The following COL11A1 variants were observed in gnomAD, a reference collection of about 807,000 sequenced individuals.
COL11A1 encodes collagen alpha-1(XI) chain.
A neutral mutation model predicts 265.2 loss-of-function variants in COL11A1; 74 were observed. The ratio of observed to expected loss-of-function variants is 0.28; its 90% CI spans 0.23 to 0.34. The LOEUF is 0.34. Ranked by LOEUF, COL11A1 falls within the 10% of genes least tolerant of loss-of-function variation. The pLI is 1.00. For missense variants in COL11A1, 2,165 were observed against 2,263.6 expected (o/e 0.96, Z 0.88); for synonymous variants, 816 against 727.6 (o/e 1.12, Z -1.96).
chr1:103,055,973 C>T (rs1280307409), intron 4 of COL11A1, among the ~76,000 whole-genome samples: 5 of 152,144 alleles, frequency 3.3e-5, no homozygotes, highest in Non-Finnish European at 7.3e-5. Context: ...AACTAGCTGA[C>T]AATTCTGTAA....
intron 57 of COL11A1, among the ~76,000 whole-genome samples, chr1:102,891,548 A>G (rs1040576082): frequency 5.3e-5 from 8 of 151,912 alleles, no homozygotes; most frequent in Non-Finnish European, 1.0e-4. Context: ...TTTCATACTG[A>G]TGACTTTCGA....
intron 5 of COL11A1, among the ~76,000 whole-genome samples, chr1:103,029,366 A>G (rs1667803294): frequency 6.6e-6 from 1 of 151,982 alleles, no homozygotes; most frequent in South Asian, 2.1e-4. Context: ...ATATAGGTAG[A>G]ACTTCTGAAG....
intron 3 of COL11A1, among the ~76,000 whole-genome samples, chr1:103,075,739 C>A (rs1571222731): frequency 6.6e-6 from 1 of 152,018 alleles, no homozygotes; most frequent in South Asian, 2.1e-4. Context: ...GTGTCTAGGA[C>A]TAGATCCATA....
intron 5 of COL11A1, among the ~76,000 whole-genome samples, chr1:103,029,647 C>A (rs1667823826): frequency 6.6e-6 from 1 of 152,012 alleles, no homozygotes; most frequent in African/African-American, 2.4e-5. Context: ...GATTGTCATG[C>A]AGTTTCTACT....
At chr1:103,019,228 G>C (rs1258605193) in intron 9 of COL11A1, among the ~76,000 whole-genome samples, 9 of 152,082 alleles carry the variant, frequency 5.9e-5, no homozygotes, top group Admixed American at 5.9e-4. Context: ...GCATAAAACA[G>C]AAACTTAGTA....
At chr1:103,086,038 A>C (rs2102341571) in intron 1 of COL11A1, among the ~76,000 whole-genome samples, 1 of 152,244 alleles carries the variant, frequency 6.6e-6, no homozygotes, top group Admixed American at 6.5e-5. Context: ...ATACCCCAAA[A>C]TAAAAACTCT....
At position 102,923,233 on chromosome 1, in the gene COL11A1, C is replaced by T; in HGVS notation, c.3654+103G>A. 3.1e-6 allele frequency: 3 copies of T among 963,552 alleles called. No individual in the cohort carries two copies. The South Asian group carries it at 4.4e-5, about 14-fold the overall frequency. The allele number at this position is 963,552 out of a possible 1,614,324, so 59.7% of individuals were successfully genotyped here. A position where few individuals can be genotyped will look rare whatever the true frequency, so the allele number is the denominator to read the frequency against. On this transcript the variant is annotated intron_variant, in intron 47 of 66. Transcript: ENST00000370096. ...TCATGTCAGTTGCTTATATACACCTCAATAATATATACATAGTAATGAAAG... is the reference window on the plus strand; with the variant it reads ...TCATGTCAGTTGCTTATATACACCTTAATAATATATACATAGTAATGAAAG...
intron 57 of COL11A1, among the ~76,000 whole-genome samples, chr1:102,892,003 G>A (rs745553000): frequency 6.6e-6 from 1 of 152,060 alleles, no homozygotes; most frequent in Non-Finnish European, 1.5e-5. Context: ...GTGAAACTAC[G>A]CAGGCAACAG....
At chr1:102,878,463 G>T (rs544901869) in intron 66 of COL11A1, among the ~76,000 whole-genome samples, 5 of 46,494 alleles carry the variant, frequency 1.1e-4, no homozygotes, top group South Asian at 1.9e-3. Context: ...ATTGATGTTG[G>T]TATTGAATCC....
chr1:102,934,996 AG>A, intron 45 of COL11A1, 63 bp downstream of exon 45: 1 of 1,465,016 alleles, frequency 6.8e-7, no homozygotes, highest in Non-Finnish European at 9.6e-7. Flanking sequence ...GTTATGGGAC[AG>A]TATACAAATT....
chr1:103,076,305 C>T (rs1671968362), intron 3 of COL11A1, among the ~76,000 whole-genome samples: 1 of 152,124 alleles, frequency 6.6e-6, no homozygotes, highest in Non-Finnish European at 1.5e-5. Flanking sequence ...CCATCTCTCA[C>T]AGCTAGACTC....
chr1:103,080,244 C>T (rs1459696187), intron 2 of COL11A1, among the ~76,000 whole-genome samples: 4 of 151,824 alleles, frequency 2.6e-5, no homozygotes, highest in African/African-American at 9.7e-5. Context: ...AAGTGGAAGA[C>T]AGTACAGTAT....
chr1:102,944,174 C>T (rs951422175), intron 42 of COL11A1, among the ~76,000 whole-genome samples: 1 of 152,132 alleles, frequency 6.6e-6, no homozygotes. Flanking sequence ...AACTGCATAA[C>T]ATTTTTATAA....
At position 103,006,072 on chromosome 1, in the gene COL11A1, G is replaced by C; in HGVS notation, c.1787C>G (p.Ala596Gly). The change falls in exon 17 of 67, where the codon GCA (alanine) becomes GGA (glycine). Residue 596 changes from alanine (A) to glycine (G), a missense_variant. By Grantham distance (60) the Ala-to-Gly change is moderately conservative (BLOSUM62 0). Transcript: ENST00000370096. ...AAAAATATGTGAGCTCCTGACCTTT[G>C]CCCCAGGTTCTCCTGGCATTCCTCT... ...GGRGMPGEPGAKGDRGFDGLP... is the reference protein window; with the variant it reads ...GGRGMPGEPGGKGDRGFDGLP... 1 of 1,613,828 alleles carries C rather than the reference G, an allele frequency of 6.2e-7. No homozygotes were observed. The highest frequency in any genetic ancestry group is 8.5e-7 in the Non-Finnish European group (1 of 1,179,898).
chr1:103,043,689 A>G (rs1025938512), intron 4 of COL11A1, among the ~76,000 whole-genome samples: 11 of 152,136 alleles, frequency 7.2e-5, no homozygotes, highest in African/African-American at 2.7e-4. Context: ...AAGTATATAC[A>G]AATATAAGAT....
chr1:102,967,212 C>CAAACAT (rs1405215555), intron 37 of COL11A1, among the ~76,000 whole-genome samples: 1 of 132,422 alleles, frequency 7.6e-6, no homozygotes, highest in Non-Finnish European at 1.6e-5. Flanking sequence ...CCCACAAAAC[C>CAAACAT]AAACATAATA....
intron 55 of COL11A1, 25 bp from the exon 56 acceptor site, chr1:102,898,798 C>A (rs977095270): frequency 3.8e-6 from 6 of 1,588,154 alleles, no homozygotes; most frequent in Admixed American, 1.7e-5. Context: ...AATATGGGAG[C>A]ACATTAGTGA....
rs775609168 is a variant in COL11A1 at position 103,003,297 on chromosome 1, A to G, written c.1945-29T>C. 7 of 1,601,238 alleles carry G rather than the reference A, an allele frequency of 4.4e-6. No homozygotes were observed. The Admixed American group carries it at 8.6e-5, about 20-fold the overall frequency. On this transcript the variant is annotated intron_variant, in intron 20 of 66. Coordinates refer to ENST00000370096, the MANE Select transcript of COL11A1 (RefSeq NM_001854.4). ...GGAGAAAAAGAAAAAGCACGCCTTT[A>G]TTAAAAAAAAAAAATGTCCTAATAA...
In COL11A1 at chr1:103,005,829, G is replaced by C. The variant is rs1169836176; in HGVS notation, c.1845+9C>G. On this transcript the variant is annotated intron_variant, in intron 18 of 66. Coordinates refer to ENST00000370096, the MANE Select transcript of COL11A1 (RefSeq NM_001854.4). The stretch of plus-strand genomic sequence containing the variant: ...ATTCCCTGGAAAAAAAGGAATAGAT[G>C]TATCTTACCCTGTGACCTTTGTCAC... The C allele has an allele frequency of 2.5e-6, 4 of 1,613,770 alleles. No homozygotes were observed. The highest frequency in any genetic ancestry group is 3.4e-6 in the Non-Finnish European group (4 of 1,179,812).
Sources: gnomAD v4.1 joint callset for allele counts (sites outside exome capture counted in the v4.1 genomes callset) on GRCh38, gnomAD v4.1.1 for gene constraint, MANE v1.5 for transcripts, NCBI Gene and HGNC (gene_info 2026-07-23, HGNC 2026-07-21) for gene names.